Variants in ATP6V0D1 observed in about 807,000 individuals in gnomAD.
ATP6V0D1 encodes V-type proton ATPase subunit d 1.
Under a neutral mutation model 39.0 loss-of-function variants are expected in ATP6V0D1, and 13 were observed. The ratio of observed to expected loss-of-function variants is 0.33; its 90% confidence interval spans 0.22 to 0.53. The LOEUF is 0.53. Among genes scored for constraint, ATP6V0D1 ranks in the 20% least tolerant of loss-of-function variants. The pLI is 0.94. For missense variants in ATP6V0D1, 272 were observed against 470.9 expected (o/e 0.58, Z 3.91); for synonymous variants, 191 against 191.2 (o/e 1.00, Z 0.01).
intron 1 of ATP6V0D1, among the ~76,000 whole-genome samples, chr16:67,473,005 C>A (rs1208811837): frequency 6.6e-6 from 1 of 152,166 alleles, no homozygotes; most frequent in Non-Finnish European, 1.5e-5. Context: ...CCTTCCTGAG[C>A]AATATGTCCT....
At chr16:67,454,487 G>T (rs547194197) in intron 1 of ATP6V0D1, 3 of 152,584 alleles carry the variant, frequency 2.0e-5, no homozygotes, top group African/African-American at 4.8e-5. Context: ...CAGGCCAAGG[G>T]AGAGGCAGTG....
chr16:67,454,753 A>T (rs1355008493), intron 1 of ATP6V0D1: 1 of 151,956 alleles, frequency 6.6e-6, no homozygotes, highest in Non-Finnish European at 1.5e-5. Context: ...CGCTACTCCT[A>T]CTTTACTCAG....
chr16:67,462,616 G>T (rs908923575), intron 1 of ATP6V0D1, among the ~76,000 whole-genome samples: 1 of 152,134 alleles, frequency 6.6e-6, no homozygotes, highest in Non-Finnish European at 1.5e-5. Flanking sequence ...CTTGACCCCA[G>T]GGAGTTTGAG....
rs1387973925 is a variant in ATP6V0D1 at position 67,473,347 on chromosome 16, T to G, written c.130+7610A>C. Among the ~76,000 whole-genome samples, 3 of 152,108 alleles carry G rather than the reference T, an allele frequency of 2.0e-5. No individual in the cohort carries two copies. In the East Asian group the frequency reaches 5.8e-4, roughly 29 times the overall value. ...AATTGTGCAACCGCCCCACAATCAG[T>G]TTTAGGACTTTTTTTTTTTTAGATG... On this transcript the variant is annotated intron_variant, in intron 1 of 7. Transcript: ENST00000290949.
intron 4 of ATP6V0D1, chr16:67,439,706 A>C (rs1597566313): frequency 3.1e-5 from 9 of 291,122 alleles, no homozygotes; most frequent in East Asian, 7.1e-5. Flanking sequence ...ATCTTTCCAA[A>C]CCTCCCCTTC....
chr16:67,463,945 G>A (rs2041309311), intron 1 of ATP6V0D1, among the ~76,000 whole-genome samples: 1 of 152,250 alleles, frequency 6.6e-6, no homozygotes, highest in Non-Finnish European at 1.5e-5. Context: ...AAGCCACTGG[G>A]GGAGGTGGGA....
chr16:67,457,440 C>T lies in ATP6V0D1; in HGVS notation c.131-3725G>A, dbSNP rs1476049471. ...TGACCCAGGACAGGCTTTTCAGATA[C>T]AGACTCAGCTGTCCAGACAGATTTC... On this transcript the variant is annotated intron_variant, in intron 1 of 7. Transcript: ENST00000290949. The T allele has an allele frequency of 7.0e-6, 4 of 567,474 alleles. No individual in the cohort carries two copies. The Admixed American group carries it at 8.3e-5, about 12-fold the overall frequency. 35.2% of individuals were successfully genotyped at this position (567,474 alleles called of 1,614,324 possible). A position where few individuals can be genotyped will look rare whatever the true frequency, so the allele number is the denominator to read the frequency against.
chr16:67,466,313 T>A (rs1387251807), intron 1 of ATP6V0D1, among the ~76,000 whole-genome samples: 1 of 145,128 alleles, frequency 6.9e-6, no homozygotes, highest in Non-Finnish European at 1.5e-5. Context: ...AAACCCTGTA[T>A]CTAGTAAACA....
chr16:67,473,664 T>C (rs1174867237), intron 1 of ATP6V0D1, among the ~76,000 whole-genome samples: 3 of 152,146 alleles, frequency 2.0e-5, no homozygotes, highest in Non-Finnish European at 2.9e-5. Flanking sequence ...GCTGGGACTA[T>C]AGGCGCCCAC....
chr16:67,456,940 C>T lies in ATP6V0D1; in HGVS notation c.131-3225G>A, dbSNP rs528458574. ...GCTTCCCCGAGTGAGCTGTCACCTC[C>T]TACTCAGGATCCTCATGAGCTCTCA... On this transcript the variant is annotated intron_variant, in intron 1 of 7. Coordinates refer to ENST00000290949, the MANE Select transcript of ATP6V0D1 (RefSeq NM_004691.5). This position sits in a 1 kb window ranked among gnomAD's most constrained non-coding sequence, Gnocchi z 4.1. 5 of 152,672 alleles carry T rather than the reference C, an allele frequency of 3.3e-5. No individual in the cohort carries two copies. The East Asian group carries it at 9.6e-4, about 29-fold the overall frequency. 9.5% of individuals were successfully genotyped at this position (152,672 alleles called of 1,614,324 possible).
chr16:67,457,676 C>T lies in ATP6V0D1; in HGVS notation c.131-3961G>A, dbSNP rs146897316. On this transcript the variant is annotated intron_variant, in intron 1 of 7. Coordinates refer to ENST00000290949, the MANE Select transcript of ATP6V0D1 (RefSeq NM_004691.5). ...CCTAGAGAAGCCAGGAATGTGTGCA[C>T]GTGAATGAGGGGGCAAAGCCAAGCA... 262 of 1,285,242 alleles carry T rather than the reference C, an allele frequency of 2.0e-4. 1 individual carries two copies. In the Middle Eastern group the frequency reaches 2.4e-3, roughly 12 times the overall value. The allele number at this position is 1,285,242 out of a possible 1,614,324, so 79.6% of individuals were successfully genotyped here.
At chr16:67,474,994 TC>T (rs2142334972) in intron 1 of ATP6V0D1, among the ~76,000 whole-genome samples, 2 of 152,146 alleles carry the variant, frequency 1.3e-5, no homozygotes, top group East Asian at 3.8e-4. Context: ...CCTACAATAC[TC>T]CCAGCCAATG....
chr16:67,460,274 G>T (rs568142655), intron 1 of ATP6V0D1, among the ~76,000 whole-genome samples: 2 of 152,202 alleles, frequency 1.3e-5, no homozygotes, highest in African/African-American at 4.8e-5. Context: ...TCAGACAGAT[G>T]GACCAATGTG....
chr16:67,466,402 T>C (rs2142327524), intron 1 of ATP6V0D1, among the ~76,000 whole-genome samples: 1 of 149,596 alleles, frequency 6.7e-6, no homozygotes, highest in South Asian at 2.1e-4. Context: ...TGGTGGCGCT[T>C]GCCTGTAATC....
intron 2 of ATP6V0D1, among the ~76,000 whole-genome samples, chr16:67,450,805 C>G (rs562784043): frequency 1.2e-4 from 18 of 152,278 alleles, no homozygotes; most frequent in African/African-American, 4.3e-4. Context: ...TGAGTGGCCA[C>G]TCAGCATCCA....
Position 67,439,039 on chromosome 16 carries a change from CAGGG to C in ATP6V0D1, c.744_747del (p.Tyr248Ter), listed in dbSNP as rs753794949. ...GCCCGAGCCAGCTGCGCCAGGCCCT[CAGGG>C]TAGAGCCGCCCACAGTGTGGAAAGA... is the stretch of plus-strand genomic sequence containing the variant. On this transcript the variant is annotated frameshift_variant, in exon 6 of 8. Coordinates refer to ENST00000290949, the MANE Select transcript of ATP6V0D1 (RefSeq NM_004691.5). LOFTEE classifies it high-confidence loss of function. 1 of 1,614,212 alleles carries C rather than the reference CAGGG, an allele frequency of 6.2e-7. No homozygotes were observed. Among genetic ancestry groups the C allele is most frequent in the Non-Finnish European group, 8.5e-7 (1 of 1,180,042 alleles).
chr16:67,463,981 A>G (rs1182854305), intron 1 of ATP6V0D1, among the ~76,000 whole-genome samples: 1 of 152,226 alleles, frequency 6.6e-6, no homozygotes, highest in African/African-American at 2.4e-5. Flanking sequence ...CAGATACCGA[A>G]GGGTGACATT....
intron 4 of ATP6V0D1, chr16:67,440,407 C>T (rs2041036209): frequency 6.6e-6 from 1 of 152,378 alleles, no homozygotes; most frequent in Admixed American, 6.5e-5. Context: ...CCCAACACCT[C>T]TCCATGCCAA....
intron 4 of ATP6V0D1, 140 bp downstream of exon 4, chr16:67,442,959 G>C (rs2041070837): frequency 1.1e-6 from 1 of 871,248 alleles, no homozygotes; most frequent in African/African-American, 1.7e-5. Context: ...GGGAGCCAGA[G>C]AATAAGCAGT....
Sources: gnomAD v4.1 joint callset for allele counts (sites outside exome capture counted in the v4.1 genomes callset) on GRCh38, gnomAD v4.1.1 for gene constraint, Gnocchi (gnomAD v3.1) non-coding constraint, MANE v1.5 for transcripts, NCBI Gene and HGNC (gene_info 2026-07-23, HGNC 2026-07-21) for gene names.